Variants in LYST observed in about 807,000 individuals in gnomAD.
The protein encoded by LYST is lysosomal-trafficking regulator.
In LYST, 192 loss-of-function variants were observed where a neutral mutation model predicts 413.6. That is an observed-to-expected ratio of 0.46 (90% CI 0.41 to 0.52). The LOEUF (loss-of-function observed/expected upper bound fraction) is 0.52, where lower values mean the gene tolerates loss of function less well. LYST is among the 20% of genes least tolerant of loss of function. The pLI, the probability that LYST is intolerant of heterozygous loss-of-function variation, is 0.00. For missense variants in LYST, 3,815 were observed against 4,499.9 expected (o/e 0.85, Z 4.35); for synonymous variants, 1,525 against 1,567.3 (o/e 0.97, Z 0.64).
chr1:235,827,968 A>G, intron 3 of LYST: 4 of 405,128 alleles, frequency 9.9e-6, no homozygotes, highest in Non-Finnish European at 1.3e-5. Flanking sequence ...AAAACTTTTA[A>G]AGAGATGTTC....
chr1:235,677,280 T>A, intron 49 of LYST, 92 bp from the exon 50 acceptor site: 1 of 1,112,532 alleles, frequency 9.0e-7, no homozygotes, highest in Non-Finnish European at 1.4e-6. Flanking sequence ...TATGTACCTA[T>A]TGTACATAAG....
At chr1:235,848,038 C>T (rs1468382239) in intron 1 of LYST, among the ~76,000 whole-genome samples, 1 of 152,108 alleles carries the variant, frequency 6.6e-6, no homozygotes, top group Non-Finnish European at 1.5e-5. Flanking sequence ...ATGGACTTGA[C>T]AGATATATAC....
intron 3 of LYST, among the ~76,000 whole-genome samples, chr1:235,813,494 T>C (rs968506169): frequency 1.3e-5 from 2 of 152,128 alleles, no homozygotes; most frequent in African/African-American, 4.8e-5. Flanking sequence ...AAAAGAGAAA[T>C]TGACATTATT....
At chr1:235,743,407 A>G (rs758390448) in intron 30 of LYST, among the ~76,000 whole-genome samples, 4 of 152,186 alleles carry the variant, frequency 2.6e-5, no homozygotes, top group Non-Finnish European at 4.4e-5. Flanking sequence ...AGAGATTGAC[A>G]TGTCATGATT....
chr1:235,724,370 AT>A, intron 38 of LYST, among the ~76,000 whole-genome samples, 190 bp from the exon 39 acceptor site: 1 of 152,316 alleles, frequency 6.6e-6, no homozygotes, highest in South Asian at 2.1e-4. Flanking sequence ...AATAAAAAAA[AT>A]AGGCTTTATT....
chr1:235,698,670 G>A (rs1661295585), intron 45 of LYST, among the ~76,000 whole-genome samples: 2 of 152,072 alleles, frequency 1.3e-5, no homozygotes, highest in South Asian at 4.1e-4. Flanking sequence ...AGGAGATCAA[G>A]ACCATCCTGG....
upstream of LYST, among the ~76,000 whole-genome samples, chr1:235,869,123 T>C (rs1680809328): frequency 6.6e-6 from 1 of 152,118 alleles, no homozygotes; most frequent in Non-Finnish European, 1.5e-5. Flanking sequence ...ACACACAAAA[T>C]GTGTAGTGAA....
chr1:235,835,221 G>C (rs3768070), intron 1 of LYST, among the ~76,000 whole-genome samples: 76,525 of 151,372 alleles, frequency 0.51, 22,711 homozygotes, highest in African/African-American at 0.83. Flanking sequence ...CCAGCCCATA[G>C]AGATATTTTT....
At chr1:235,846,326 T>C (rs59777401) in intron 1 of LYST, among the ~76,000 whole-genome samples, 67,412 of 151,642 alleles carry the variant, frequency 0.44, 16,194 homozygotes, top group African/African-American at 0.61. Context: ...AAAGGAGGAG[T>C]ATACTACATC....
rs146419389 is a variant in LYST at position 235,838,522 on chromosome 1, G to T, written c.-97-4855C>A. Among the ~76,000 whole-genome samples, 824 of 152,204 alleles carry T rather than the reference G, an allele frequency of 5.4e-3. 16 individuals carry two copies. The highest frequency in any genetic ancestry group is 0.018 in the African/African-American group (727 of 41,528). ...CATCTTTTCTTTAAGTATAATATTT[G>T]AAAATCTTTAAAAATGATCTCTAGA... On this transcript the variant is annotated intron_variant, in intron 1 of 52. Transcript: ENST00000389793.
At chr1:235,712,255 C>T in intron 42 of LYST, 58 bp from the exon 43 acceptor site, 1 of 1,245,716 alleles carries the variant, frequency 8.0e-7, no homozygotes, top group African/African-American at 1.5e-5. Context: ...TATTTGAGGC[C>T]TATCATAATT....
intron 1 of LYST, among the ~76,000 whole-genome samples, chr1:235,881,187 A>G (rs1681359775): frequency 6.6e-6 from 1 of 152,222 alleles, no homozygotes; most frequent in Non-Finnish European, 1.5e-5. Context: ...TTTTCTCCTT[A>G]GAAGTATTTT....
intron 1 of LYST, among the ~76,000 whole-genome samples, chr1:235,866,629 G>A (rs1421065421): frequency 3.3e-5 from 5 of 151,948 alleles, no homozygotes; most frequent in African/African-American, 1.2e-4. Flanking sequence ...CCGGCGCCGC[G>A]AGAAGTCCCA....
chr1:235,756,490 A>G (rs1032167124), intron 24 of LYST, among the ~76,000 whole-genome samples: 29 of 152,148 alleles, frequency 1.9e-4, no homozygotes, highest in African/African-American at 6.3e-4. Flanking sequence ...CTATATTGCA[A>G]CTAGCTCAGG....
intron 50 of LYST, among the ~76,000 whole-genome samples, chr1:235,671,834 T>C (rs970611999): frequency 1.3e-5 from 2 of 152,190 alleles, no homozygotes; most frequent in African/African-American, 4.8e-5. Context: ...ATAATTCGAT[T>C]TACCTTTATG....
intron 1 of LYST, among the ~76,000 whole-genome samples, chr1:235,856,732 A>C (rs1679233433): frequency 6.6e-6 from 1 of 152,194 alleles, no homozygotes; most frequent in African/African-American, 2.4e-5. Flanking sequence ...TAATAGAGAA[A>C]TATTTCAAGA....
intron 46 of LYST, among the ~76,000 whole-genome samples, chr1:235,696,829 A>G (rs1047401204): frequency 3.3e-5 from 5 of 152,218 alleles, no homozygotes; most frequent in African/African-American, 1.2e-4. Flanking sequence ...TGCCAAATCG[A>G]TAACATCTTC....
Position 235,733,691 on chromosome 1 carries a change from A to G in LYST, c.8613T>C (p.Ser2871=), listed in dbSNP as rs1664572486. Residue 2871 remains serine, a splice_region_variant and synonymous_variant, in exon 34 of 53, where the codon AGT becomes AGC. Transcript: ENST00000389793. ...ATTTTGAATCCAGACGCTGAAAGAG[A>G]CTAAACAAATAATAAGATTGTCCAT... is the stretch of plus-strand genomic sequence containing the variant. ...WQKTVNNNQQ[S]LFQRLDSKSK... 1 of 1,610,920 alleles carries G rather than the reference A, an allele frequency of 6.2e-7. No individual in the cohort carries two copies. The highest frequency in any genetic ancestry group is 1.3e-5 in the African/African-American group (1 of 74,986).
In LYST at chr1:235,809,157, G is replaced by A. The variant is rs575087260; in HGVS notation, c.1661C>T (p.Ala554Val). 6.2e-6 allele frequency: 10 copies of A among 1,613,938 alleles called. No homozygotes were observed. The highest frequency in any genetic ancestry group is 1.7e-4 in the Middle Eastern group (1 of 6,060). Residue 554 changes from alanine to valine, a missense_variant, in exon 5 of 53, where the codon GCC becomes GTC. This residue lies in a region of LYST where 1,648 missense variants were observed against 1,810.3 expected (regional missense o/e 0.91). Transcript: ENST00000389793. The surrounding 1 kb of genome is among the most constrained non-coding windows in gnomAD (Gnocchi z 4.0). ...PERCCCIAVC[A>V]HQCLRLLQQA... The stretch of plus-strand genomic sequence containing the variant: ...CTGTAGTAAGCGCAAGCACTGATGG[G>A]CACACACTGCAATGCAACAGCACCG...
Sources: gnomAD v4.1 joint callset for allele counts (sites outside exome capture counted in the v4.1 genomes callset) on GRCh38, gnomAD v4.1.1 for gene constraint, gnomAD v4.1.1 regional missense constraint, Gnocchi (gnomAD v3.1) non-coding constraint, MANE v1.5 for transcripts, NCBI Gene and HGNC (gene_info 2026-07-23, HGNC 2026-07-21) for gene names.